The following ARRB1 variants were observed in gnomAD, a reference collection of about 807,000 sequenced individuals.
ARRB1 encodes arrestin beta 1, also known as beta-arrestin-1.
ARRB1 carries 21 observed loss-of-function variants against 56.8 expected under a neutral mutation model. The ratio of observed to expected loss-of-function variants is 0.37; its 90% CI spans 0.26 to 0.53. The LOEUF is 0.53. ARRB1 is among the 20% of genes least tolerant of loss of function. ARRB1 has a pLI of 0.88. For missense variants in ARRB1, 424 were observed against 553.7 expected, an observed-to-expected ratio of 0.77 and a Z score of 2.35; for synonymous variants, 210 against 218.6, an observed-to-expected ratio of 0.96 and a Z score of 0.35.
At chr11:75,339,566 T>C (rs1947664787) in intron 1 of ARRB1, among the ~76,000 whole-genome samples, 1 of 152,218 alleles carries the variant, frequency 6.6e-6, no homozygotes. Context: ...GTACTACCTC[T>C]GGCTCACACA....
At position 75,262,240 on chromosome 11, in the gene ARRB1, A is replaced by T. The variant is rs1252386939; in HGVS notation, c.*3923T>A. On this transcript the variant is annotated 3_prime_UTR_variant, in exon 16 of 16. Transcript: ENST00000420843. ...CTGGTGGCTCTCTTTAACCTGGGTC[A>T]GAGCCAAGGCCCCTTGGCCTCTGTG... The T allele has an allele frequency of 6.6e-6, 1 of 152,202 alleles. No individual in the cohort carries two copies. Among genetic ancestry groups the T allele is most frequent in the Non-Finnish European group, 1.5e-5 (1 of 68,032 alleles). 9.4% of individuals were successfully genotyped at this position (152,202 alleles called of 1,614,324 possible).
chr11:75,327,845 T>C (rs1355662870), intron 1 of ARRB1, among the ~76,000 whole-genome samples: 2 of 152,106 alleles, frequency 1.3e-5, no homozygotes, highest in Non-Finnish European at 2.9e-5. Context: ...CACCTTGGCC[T>C]CCCAGTGCTG....
At chr11:75,315,372 C>A (rs189483128) in intron 1 of ARRB1, among the ~76,000 whole-genome samples, 1 of 152,168 alleles carries the variant, frequency 6.6e-6, no homozygotes, top group African/African-American at 2.4e-5. Context: ...CAGTGACCCC[C>A]CTCAGTCACC....
chr11:75,294,376 G>A (rs1332899720), intron 1 of ARRB1, among the ~76,000 whole-genome samples: 1 of 151,984 alleles, frequency 6.6e-6, no homozygotes, highest in Non-Finnish European at 1.5e-5. Flanking sequence ...GGTCAACATG[G>A]TGAAACCCAG....
chr11:75,293,127 C>T (rs1946647250), intron 1 of ARRB1, among the ~76,000 whole-genome samples: 1 of 152,150 alleles, frequency 6.6e-6, no homozygotes, highest in Non-Finnish European at 1.5e-5. Context: ...GAATGACCTG[C>T]TGCTAACCTT....
At chr11:75,270,595 C>A (rs1946055470) in intron 13 of ARRB1, among the ~76,000 whole-genome samples, 1 of 151,466 alleles carries the variant, frequency 6.6e-6, no homozygotes, top group Admixed American at 6.6e-5. Context: ...CCACTGCACT[C>A]CAGCCTACCC....
intron 3 of ARRB1, among the ~76,000 whole-genome samples, chr11:75,285,689 C>T (rs1014546343): frequency 1.3e-5 from 2 of 152,092 alleles, no homozygotes; most frequent in Non-Finnish European, 2.9e-5. Flanking sequence ...CCAGAGTTCT[C>T]GGGGATACCA....
chr11:75,284,357 C>G, intron 3 of ARRB1, 78 bp from the exon 4 acceptor site: 2 of 1,397,320 alleles, frequency 1.4e-6, no homozygotes, highest in Non-Finnish European at 9.8e-7. Flanking sequence ...CCAGCCCAAG[C>G]CCAGATCCAA....
intron 1 of ARRB1, chr11:75,312,004 C>T (rs555701234): frequency 5.0e-5 from 64 of 1,278,742 alleles, no homozygotes; most frequent in Middle Eastern, 4.3e-4. Context: ...TGACCGTTCT[C>T]GAAGGCCCAG....
chr11:75,266,329 C>T (rs766705300), intron 15 of ARRB1, 55 bp from the exon 16 acceptor site: 30 of 1,465,740 alleles, frequency 2.0e-5, no homozygotes, highest in Non-Finnish European at 2.9e-5. Context: ...GGAGAGTAGG[C>T]TTATCCAGAG....
chr11:75,305,018 C>CTTTTTTTTTTTTTTTTTTTTTT (rs35323331), intron 1 of ARRB1, among the ~76,000 whole-genome samples: 3 of 86,732 alleles, frequency 3.5e-5, no homozygotes, highest in Non-Finnish European at 4.5e-5. Flanking sequence ...TTCTTTCTTT[C>CTTTTTTTTTTTTTTTTTTTTTT]TTTTTTTTTT....
chr11:75,282,139 T>A, intron 5 of ARRB1, 118 bp from the exon 6 acceptor site: 1 of 982,440 alleles, frequency 1.0e-6, no homozygotes, highest in African/African-American at 1.6e-5. Context: ...GGACAGGCCA[T>A]GTCTATCCCA....
intron 1 of ARRB1, among the ~76,000 whole-genome samples, chr11:75,320,455 C>G (rs933812242): frequency 6.6e-6 from 1 of 152,228 alleles, no homozygotes; most frequent in African/African-American, 2.4e-5. Flanking sequence ...GAAGCTGAGG[C>G]CTCCAAGGGC....
At chr11:75,342,421 G>A (rs1485360062) in intron 1 of ARRB1, among the ~76,000 whole-genome samples, 2 of 152,200 alleles carry the variant, frequency 1.3e-5, no homozygotes, top group Non-Finnish European at 2.9e-5. Context: ...CCAGAATTCT[G>A]TCCCCAGTAA....
intron 1 of ARRB1, among the ~76,000 whole-genome samples, chr11:75,297,242 G>A (rs1722888778): frequency 6.6e-6 from 1 of 150,950 alleles, no homozygotes; most frequent in Non-Finnish European, 1.5e-5. Context: ...GGAAATGCCA[G>A]GGATCCAGAA....
chr11:75,290,735 C>A (rs558297029), intron 1 of ARRB1, among the ~76,000 whole-genome samples: 2 of 152,252 alleles, frequency 1.3e-5, no homozygotes, highest in South Asian at 4.2e-4. Flanking sequence ...GCACACGCCA[C>A]CACCCTGGGC....
Position 75,265,875 on chromosome 11 carries a change from A to G in ARRB1, c.*288T>C. 2.3e-6 allele frequency: 1 copy of G among 441,212 alleles called. No homozygotes were observed. Among genetic ancestry groups the G allele is most frequent in the Non-Finnish European group, 4.2e-6 (1 of 238,706 alleles). The allele number at this position is 441,212 out of a possible 1,614,324, so 27.3% of individuals were successfully genotyped here. ...CCTGTCTGCTCCCCATCTCAAGTCC[A>G]ATTCCAAGGCCAGAGCCCTGGCAGC... On this transcript the variant is annotated 3_prime_UTR_variant, in exon 16 of 16. Transcript: ENST00000420843.
At chr11:75,280,860 G>A (rs1159470593) in intron 7 of ARRB1, 1 of 601,198 alleles carries the variant, frequency 1.7e-6, no homozygotes, top group Admixed American at 2.9e-5. Context: ...ATGGTGCAAA[G>A]GAGAAGATGC....
chr11:75,291,602 G>A (rs1946613548), intron 1 of ARRB1, among the ~76,000 whole-genome samples: 1 of 152,156 alleles, frequency 6.6e-6, no homozygotes. Flanking sequence ...CTTGGAGCCT[G>A]AGACCCCCTT....
Sources: allele counts gnomAD v4.1 joint callset (sites outside exome capture counted in the v4.1 genomes callset), GRCh38; gene constraint gnomAD v4.1.1; transcripts MANE v1.5; gene names NCBI Gene and HGNC (gene_info 2026-07-23, HGNC 2026-07-21).